Variants in PRKAR1B observed in about 807,000 individuals in gnomAD.
PRKAR1B encodes the protein protein kinase cAMP-dependent type I regulatory subunit beta.
A neutral mutation model predicts 46.5 loss-of-function variants in PRKAR1B; 22 were observed. That is an observed-to-expected ratio of 0.47 (90% CI 0.34 to 0.68). The LOEUF is 0.68. Among genes scored for constraint, PRKAR1B ranks in the 30% least tolerant of loss-of-function variants. PRKAR1B has a pLI of 0.01. For synonymous variants in PRKAR1B, 259 were observed against 217.7 expected (o/e 1.19, Z -1.67); for missense variants, 445 against 535.6 (o/e 0.83, Z 1.67).
In PRKAR1B at chr7:644,010, C is replaced by T. The variant is rs1402631144; in HGVS notation, c.440+33219G>A. Among the ~76,000 whole-genome samples the T allele has an allele frequency of 1.3e-5, 2 of 152,122 alleles. No individual in the cohort carries two copies. The highest frequency in any genetic ancestry group is 2.9e-5 in the Non-Finnish European group (2 of 68,026). On this transcript the variant is annotated intron_variant, in intron 4 of 10. Coordinates refer to ENST00000537384, the MANE Select transcript of PRKAR1B (RefSeq NM_001164760.2). This position sits in a 1 kb window ranked among gnomAD's most constrained non-coding sequence, Gnocchi z 4.9. Reference sequence around the variant, plus strand: ...CCATTCGAATTCCCACCCACAAACCCGTGAGCATGATGAAATGCCGGCTGC... The same window carrying T: ...CCATTCGAATTCCCACCCACAAACCTGTGAGCATGATGAAATGCCGGCTGC...
In PRKAR1B at chr7:582,887, C is replaced by G. The variant is rs150826738; in HGVS notation, c.769+1621G>C. Among the ~76,000 whole-genome samples the G allele has an allele frequency of 2.1e-3, 325 of 152,348 alleles. 3 individuals are homozygous for G. Among genetic ancestry groups the G allele is most frequent in the African/African-American group, 7.6e-3 (314 of 41,568 alleles). The stretch of plus-strand genomic sequence containing the variant: ...GGGAGCAAATGTCCCCCTCTCGGCC[C>G]CTATAAAATCTGGCGGACCAACTCG... On this transcript the variant is annotated intron_variant, in intron 8 of 10. Transcript: ENST00000537384.
intron 4 of PRKAR1B, among the ~76,000 whole-genome samples, chr7:649,774 C>T (rs1784798612): frequency 1.3e-5 from 2 of 151,702 alleles, no homozygotes; most frequent in African/African-American, 4.8e-5. Context: ...CTATGTTGCC[C>T]AGGCTGCTCT....
intron 4 of PRKAR1B, among the ~76,000 whole-genome samples, chr7:615,623 G>A (rs2128470864): frequency 6.6e-6 from 1 of 151,360 alleles, no homozygotes; most frequent in Non-Finnish European, 1.5e-5. Context: ...GGATCACGAG[G>A]TCAGGAGATC....
intron 4 of PRKAR1B, among the ~76,000 whole-genome samples, chr7:613,878 A>T (rs991727291): frequency 6.6e-6 from 1 of 152,136 alleles, no homozygotes; most frequent in African/African-American, 2.4e-5. Context: ...GCCTGCAGAG[A>T]CCTCTCCCGG....
intron 3 of PRKAR1B, among the ~76,000 whole-genome samples, chr7:677,699 T>C (rs927398515): frequency 3.3e-5 from 5 of 151,658 alleles, no homozygotes; most frequent in Admixed American, 3.3e-4. Flanking sequence ...AGTGCTGGGA[T>C]TACAGGTGTG....
At chr7:718,255 TAC>T (rs35563369) in intron 1 of PRKAR1B, among the ~76,000 whole-genome samples, 7,197 of 139,854 alleles carry the variant, frequency 0.051, 340 homozygotes, top group African/African-American at 0.13. Context: ...GCTTTATAGA[TAC>T]ACACACACAC....
chr7:583,167 C>G lies in PRKAR1B; in HGVS notation c.769+1341G>C, dbSNP rs543992404. Among the ~76,000 whole-genome samples the G allele has an allele frequency of 2.6e-5, 4 of 151,964 alleles. No homozygotes were observed. In the South Asian group the frequency reaches 8.3e-4, roughly 32 times the overall value. On this transcript the variant is annotated intron_variant, in intron 8 of 10. Coordinates refer to ENST00000537384, the MANE Select transcript of PRKAR1B (RefSeq NM_001164760.2). The stretch of plus-strand genomic sequence containing the variant: ...CAACGTCGTGTGTAGACTCAACGGC[C>G]CTGAAATGCGCTTCCGGGAAAGGTC...
chr7:598,218 A>ACCCT (rs757583977), intron 6 of PRKAR1B, among the ~76,000 whole-genome samples: 58 of 119,964 alleles, frequency 4.8e-4, no homozygotes, highest in African/African-American at 1.9e-3. Context: ...AAACACCATC[A>ACCCT]CCCTCCAGCA....
At chr7:670,566 CGAGGA>C (rs1786185828) in intron 4 of PRKAR1B, among the ~76,000 whole-genome samples, 2 of 150,148 alleles carry the variant, frequency 1.3e-5, no homozygotes, top group Non-Finnish European at 3.0e-5. Flanking sequence ...GGCTCAGGAC[CGAGGA>C]CGGCCTCCGA....
At chr7:677,205 G>C in intron 4 of PRKAR1B, 24 bp downstream of exon 4, 1 of 1,611,716 alleles carries the variant, frequency 6.2e-7, no homozygotes, top group Non-Finnish European at 8.5e-7. Context: ...CGGTGATGCC[G>C]GGGCAGGGGA....
At position 669,921 on chromosome 7, in the gene PRKAR1B, A is replaced by G. The variant is rs372579217; in HGVS notation, c.440+7308T>C. Among the ~76,000 whole-genome samples, 1,338 of 137,820 alleles carry G rather than the reference A, an allele frequency of 9.7e-3. 18 individuals are homozygous for G. Among genetic ancestry groups the G allele is most frequent in the Middle Eastern group, 0.033 (7 of 210 alleles). The allele number at this position is 137,820 out of a possible 152,430, so 90.4% of individuals were successfully genotyped here. A position where few individuals can be genotyped will look rare whatever the true frequency, so the allele number is the denominator to read the frequency against. ...TGCTCTGTCGCCCAGGCTGGAGTGC[A>G]GTGGCACGATCTCAGCTCACTGCAA... On this transcript the variant is annotated intron_variant, in intron 4 of 10. Coordinates refer to ENST00000537384, the MANE Select transcript of PRKAR1B (RefSeq NM_001164760.2).
chr7:692,657 C>T (rs1779499027), intron 2 of PRKAR1B, among the ~76,000 whole-genome samples: 1 of 152,142 alleles, frequency 6.6e-6, no homozygotes, highest in Non-Finnish European at 1.5e-5. Context: ...CTGCAGTCGC[C>T]CGGGAGAAAC....
At chr7:603,928 T>C (rs1448120946) in intron 6 of PRKAR1B, among the ~76,000 whole-genome samples, 1 of 146,676 alleles carries the variant, frequency 6.8e-6, no homozygotes, top group East Asian at 2.0e-4. Context: ...GAAGAGGGGC[T>C]ATAAGTAGTA....
chr7:680,620 C>G lies in PRKAR1B; in HGVS notation c.284G>C (p.Arg95Pro), dbSNP rs144462255. The change falls in exon 3 of 11, where the codon CGC becomes CCC. Residue 95 changes from arginine to proline, a missense_variant. Arg to Pro is a moderately radical substitution (Grantham distance 103, BLOSUM62 -2). This residue lies in a region of PRKAR1B where 155 missense variants were observed against 127.5 expected (regional missense o/e 1.22). Coordinates refer to ENST00000537384, the MANE Select transcript of PRKAR1B (RefSeq NM_001164760.2). ...CTCGGCACTCACGCCTCCTCGCCGG[C>G]GGCGGGCCTTCACCACAGGGTTCGG... ...TPPNPVVKAR[R>P]RRGGVSAEVY... 2.3e-5 allele frequency: 36 copies of G among 1,588,518 alleles called. No individual in the cohort carries two copies. Among genetic ancestry groups the G allele is most frequent in the Non-Finnish European group, 3.0e-5 (35 of 1,166,086 alleles).
chr7:567,504 AC>A (rs1779237398), intron 9 of PRKAR1B, among the ~76,000 whole-genome samples: 1 of 149,876 alleles, frequency 6.7e-6, no homozygotes, highest in South Asian at 2.1e-4. Flanking sequence ...CACCATCATC[AC>A]CATCACCTTC....
chr7:630,434 G>A (rs956522442), intron 4 of PRKAR1B, among the ~76,000 whole-genome samples: 7 of 152,220 alleles, frequency 4.6e-5, no homozygotes, highest in African/African-American at 1.4e-4. Flanking sequence ...CTGGCTGGGG[G>A]TGCAAGGTCA....
At chr7:553,233 C>T (rs1040561101) in intron 9 of PRKAR1B, among the ~76,000 whole-genome samples, 1 of 152,252 alleles carries the variant, frequency 6.6e-6, no homozygotes. Flanking sequence ...GAAGCTTCCT[C>T]TGAACAGCCG....
At chr7:619,016 C>T (rs1400889303) in intron 4 of PRKAR1B, among the ~76,000 whole-genome samples, 1 of 152,162 alleles carries the variant, frequency 6.6e-6, no homozygotes, top group Admixed American at 6.5e-5. Flanking sequence ...CCTGGGCTGC[C>T]ATCACAGAGC....
rs180820680 is a variant in PRKAR1B at position 648,682 on chromosome 7, T to A, written c.440+28547A>T. On this transcript the variant is annotated intron_variant, in intron 4 of 10. Transcript: ENST00000537384. The stretch of plus-strand genomic sequence containing the variant: ...CTGTAATCCCAGCTACTCAGGAAGC[T>A]GAGGCAGAAGAGTCACTTGAACCCA... Among the ~76,000 whole-genome samples the A allele has an allele frequency of 3.0e-3, 458 of 152,148 alleles. 3 individuals are homozygous for A. Among genetic ancestry groups the A allele is most frequent in the African/African-American group, 0.01 (429 of 41,500 alleles).
Sources: allele counts gnomAD v4.1 joint callset (sites outside exome capture counted in the v4.1 genomes callset), GRCh38; gene constraint gnomAD v4.1.1; regional missense constraint gnomAD v4.1.1; non-coding constraint Gnocchi (gnomAD v3.1); transcripts MANE v1.5; gene names NCBI Gene and HGNC (gene_info 2026-07-23, HGNC 2026-07-21).